The following ADAMTS17 variants were observed in gnomAD, a reference collection of about 807,000 sequenced individuals.
ADAMTS17 encodes A disintegrin and metalloproteinase with thrombospondin motifs 17.
A neutral mutation model predicts 141.5 loss-of-function variants in ADAMTS17; 113 were observed. The ratio of observed to expected loss-of-function variants is 0.80; its 90% CI spans 0.69 to 0.93. The LOEUF is 0.93. ADAMTS17 is among the 40% of genes least tolerant of loss of function. The pLI is 0.00. For synonymous variants in ADAMTS17, 768 were observed against 630.6 expected (o/e 1.22, Z -3.27); for missense variants, 1,659 against 1,517.9 (o/e 1.09, Z -1.54).
intron 18 of ADAMTS17, among the ~76,000 whole-genome samples, chr15:100,022,221 G>C (rs8023803): frequency 6.6e-6 from 1 of 152,070 alleles, no homozygotes; most frequent in African/African-American, 2.4e-5. Context: ...CTGGATGGAT[G>C]CAGGCCCCCA....
chr15:100,071,014 A>C lies in ADAMTS17; in HGVS notation c.2138-16960T>G, dbSNP rs534736238. ...CCACTAGCAAGACTAATAAAGAAGAAAAGAGACAAGAATCAAATAGATGCA... is the reference window on the plus strand; with the variant it reads ...CCACTAGCAAGACTAATAAAGAAGACAAGAGACAAGAATCAAATAGATGCA... On this transcript the variant is annotated intron_variant, in intron 15 of 21. Coordinates refer to ENST00000268070, the MANE Select transcript of ADAMTS17 (RefSeq NM_139057.4). Among the ~76,000 whole-genome samples the C allele has an allele frequency of 7.3e-5, 11 of 150,454 alleles. No individual in the cohort carries two copies. The South Asian group carries it at 1.7e-3, about 23-fold the overall frequency.
At chr15:100,087,748 T>C (rs1291912609) in intron 15 of ADAMTS17, among the ~76,000 whole-genome samples, 4 of 152,324 alleles carry the variant, frequency 2.6e-5, no homozygotes, top group South Asian at 2.1e-4. Context: ...CACATGATTA[T>C]CTCAATAGAT....
chr15:100,267,955 T>G (rs2043776171), intron 4 of ADAMTS17, among the ~76,000 whole-genome samples: 1 of 152,242 alleles, frequency 6.6e-6, no homozygotes, highest in Admixed American at 6.5e-5. Context: ...TCAAATACTG[T>G]AACTTATCCA....
At chr15:100,199,809 G>C (rs1478332122) in intron 7 of ADAMTS17, among the ~76,000 whole-genome samples, 4 of 152,264 alleles carry the variant, frequency 2.6e-5, no homozygotes, top group South Asian at 4.1e-4. Context: ...CAGCGCCTAG[G>C]GCTGGGACCA....
At chr15:100,108,316 C>T (rs905937785) in intron 14 of ADAMTS17, among the ~76,000 whole-genome samples, 12 of 152,072 alleles carry the variant, frequency 7.9e-5, no homozygotes, top group South Asian at 2.1e-4. Flanking sequence ...GGATTACAAG[C>T]GCATGCCACC....
At chr15:100,295,120 T>C (rs2142146255) in intron 3 of ADAMTS17, among the ~76,000 whole-genome samples, 1 of 152,324 alleles carries the variant, frequency 6.6e-6, no homozygotes, top group South Asian at 2.1e-4. Context: ...ATTGACCTTC[T>C]TAAAAAGCAT....
In ADAMTS17 at chr15:100,108,194, C is replaced by T. The variant is rs988711065; in HGVS notation, c.2016+795G>A. 3.3e-5 allele frequency among the ~76,000 whole-genome samples: 5 copies of T among 151,540 alleles called. No individual in the cohort carries two copies. In the South Asian group the frequency reaches 6.3e-4, roughly 19 times the overall value. On this transcript the variant is annotated intron_variant, in intron 14 of 21. Transcript: ENST00000268070. ...ATTCCTTTTTTTTTTCCCCCCGAGACGGAGTCTTGCTTTGTTGCCCAGGCT... is the reference window on the plus strand; with the variant it reads ...ATTCCTTTTTTTTTTCCCCCCGAGATGGAGTCTTGCTTTGTTGCCCAGGCT...
At chr15:100,244,188 A>G (rs930512480) in intron 7 of ADAMTS17, among the ~76,000 whole-genome samples, 1 of 151,698 alleles carries the variant, frequency 6.6e-6, no homozygotes, top group Non-Finnish European at 1.5e-5. Flanking sequence ...ATTCCCTATC[A>G]CCAGAACAGC....
chr15:100,006,439 G>A (rs944130959), intron 18 of ADAMTS17, among the ~76,000 whole-genome samples: 1 of 152,212 alleles, frequency 6.6e-6, no homozygotes, highest in Non-Finnish European at 1.5e-5. Context: ...GTCTGCTGAT[G>A]TGACAGTTGT....
chr15:100,211,236 C>T (rs1391067585), intron 7 of ADAMTS17, among the ~76,000 whole-genome samples: 1 of 142,568 alleles, frequency 7.0e-6, no homozygotes, highest in Non-Finnish European at 1.5e-5. Context: ...GTGGAGGTTG[C>T]AGTGAGTTGA....
intron 14 of ADAMTS17, among the ~76,000 whole-genome samples, chr15:100,102,533 C>T (rs1429958808): frequency 2.4e-5 from 3 of 126,546 alleles, no homozygotes; most frequent in East Asian, 2.4e-4. Context: ...GAGGGCCGAC[C>T]GAAGGGGATC....
intron 15 of ADAMTS17, among the ~76,000 whole-genome samples, chr15:100,061,830 G>A (rs556177637): frequency 9.9e-5 from 15 of 152,276 alleles, no homozygotes; most frequent in East Asian, 3.9e-4. Flanking sequence ...CCCAGACTGC[G>A]AATTTTGAAT....
At chr15:100,110,706 G>T (rs945359819) in intron 13 of ADAMTS17, among the ~76,000 whole-genome samples, 1 of 152,128 alleles carries the variant, frequency 6.6e-6, no homozygotes. Context: ...TGCACAGGGC[G>T]AGAGTCAAAG....
At chr15:100,184,790 C>T (rs2040647707) in intron 8 of ADAMTS17, among the ~76,000 whole-genome samples, 1 of 152,128 alleles carries the variant, frequency 6.6e-6, no homozygotes, top group South Asian at 2.1e-4. Flanking sequence ...TTCCCGTAGC[C>T]CCCTGTCACA....
chr15:100,111,522 G>A (rs946392208), intron 13 of ADAMTS17, among the ~76,000 whole-genome samples: 17 of 152,352 alleles, frequency 1.1e-4, no homozygotes, highest in South Asian at 4.1e-4. Flanking sequence ...AGCATCTTGT[G>A]GAGCTGGTGG....
intron 15 of ADAMTS17, among the ~76,000 whole-genome samples, chr15:100,088,747 C>G: frequency 6.6e-6 from 1 of 152,086 alleles, no homozygotes. Flanking sequence ...GGAAAGGATT[C>G]CCTATTTAAT....
chr15:100,335,384 G>A (rs534049842), intron 2 of ADAMTS17, among the ~76,000 whole-genome samples: 23 of 152,234 alleles, frequency 1.5e-4, no homozygotes, highest in African/African-American at 5.3e-4. Context: ...GGGCCTCGGT[G>A]ACTTTTCAGT....
chr15:100,200,698 G>A (rs534172027), intron 7 of ADAMTS17, among the ~76,000 whole-genome samples: 42 of 152,314 alleles, frequency 2.8e-4, no homozygotes, highest in Admixed American at 2.0e-3. Context: ...CTGGCATAGC[G>A]CCATGGGGCG....
intron 20 of ADAMTS17, among the ~76,000 whole-genome samples, chr15:99,982,015 A>G (rs2060491287): frequency 6.6e-6 from 1 of 152,212 alleles, no homozygotes; most frequent in Non-Finnish European, 1.5e-5. Flanking sequence ...CTACGTCCCC[A>G]CTTACTAGCT....
Sources: gnomAD v4.1 joint callset for allele counts (sites outside exome capture counted in the v4.1 genomes callset) on GRCh38, gnomAD v4.1.1 for gene constraint, MANE v1.5 for transcripts, NCBI Gene and HGNC (gene_info 2026-07-23, HGNC 2026-07-21) for gene names.